Variants in HROB observed in about 807,000 individuals in gnomAD.
HROB encodes homologous recombination factor with OB-fold.
A neutral mutation model predicts 61.0 loss-of-function variants in HROB; 44 were observed. That is an observed-to-expected ratio of 0.72 (90% CI 0.57 to 0.93). The LOEUF is 0.93. Ranked by LOEUF, HROB falls within the 40% of genes least tolerant of loss-of-function variation. The pLI, the probability that HROB is intolerant of heterozygous loss-of-function variation, is 0.00. For missense variants in HROB, 716 were observed against 796.2 expected, an observed-to-expected ratio of 0.90 and a Z score of 1.21; for synonymous variants, 301 against 310.4, an observed-to-expected ratio of 0.97 and a Z score of 0.32.
intron 2 of HROB, among the ~76,000 whole-genome samples, chr17:44,146,521 A>G (rs982446237): frequency 2.0e-5 from 3 of 152,290 alleles, no homozygotes; most frequent in Admixed American, 1.3e-4. Flanking sequence ...GAGTAATGGA[A>G]TTAGAGTAAA....
At position 44,148,522 on chromosome 17, in the gene HROB, G is replaced by A. The variant is rs1185919583; in HGVS notation, c.719G>A (p.Arg240Gln). The change falls in exon 3 of 10, where the codon CGA becomes CAA. Residue 240 changes from arginine (R) to glutamine (Q), a missense_variant. Physicochemically the swap from Arg to Gln is conservative, Grantham distance 43. Coordinates refer to ENST00000585683, the MANE Select transcript of HROB (RefSeq NM_001171251.3). ...LDPVIQCRTPRPPLRPGAVGH... is the reference protein window; with the variant it reads ...LDPVIQCRTPQPPLRPGAVGH... ...CCTGTCATCCAATGTAGGACTCCACGACCCCCCTTGAGACCTGGTGCTGTG... is the reference window on the plus strand; with the variant it reads ...CCTGTCATCCAATGTAGGACTCCACAACCCCCCTTGAGACCTGGTGCTGTG... The A allele has an allele frequency of 3.1e-6, 5 of 1,613,922 alleles. No individual in the cohort carries two copies. Among genetic ancestry groups the A allele is most frequent in the Admixed American group, 1.7e-5 (1 of 59,976 alleles).
rs746666186 is a variant in HROB, at chr17:44,150,999, G to A, written c.1263G>A (p.Ala421=). 1.4e-5 allele frequency: 22 copies of A among 1,613,228 alleles called. No individual in the cohort carries two copies. Among genetic ancestry groups the A allele is most frequent in the East Asian group, 2.2e-5 (1 of 44,876 alleles). Residue 421 remains alanine, a synonymous_variant, in exon 4 of 10, where the codon GCG becomes GCA. Transcript: ENST00000585683. ...GTCTGGAGGACATCATGGTTTCCGCGCCCCAAACTCCAACCCATGGTGCTC... is the reference window on the plus strand; with the variant it reads ...GTCTGGAGGACATCATGGTTTCCGCACCCCAAACTCCAACCCATGGTGCTC... ...GRSLEDIMVS[A]PQTPTHGALA... is the part of the protein sequence containing the mutation.
intron 8 of HROB, among the ~76,000 whole-genome samples, chr17:44,155,911 T>C (rs1240502567): frequency 7.2e-5 from 11 of 152,276 alleles, no homozygotes; most frequent in Middle Eastern, 3.4e-3. Flanking sequence ...AGACGAGCAT[T>C]TGGCATTTAT....
rs1167718278 is a variant in HROB at position 44,142,035 on chromosome 17, G to C, written c.-108G>C. The C allele has an allele frequency of 1.4e-6, 2 of 1,426,432 alleles. No homozygotes were observed. Among genetic ancestry groups the C allele is most frequent in the East Asian group, 2.7e-5 (1 of 37,108 alleles). 88.4% of individuals were successfully genotyped at this position (1,426,432 alleles called of 1,614,324 possible). On this transcript the variant is annotated 5_prime_UTR_variant, in exon 1 of 10. Transcript: ENST00000585683. Reference sequence around the variant, plus strand: ...CCTCTGACCCCAGCCCGGAAGCACTGTCCCTCGGAGTCCGAGACTTCCACC... The same window carrying C: ...CCTCTGACCCCAGCCCGGAAGCACTCTCCCTCGGAGTCCGAGACTTCCACC...
chr17:44,152,590 A>T, intron 4 of HROB, 47 bp from the exon 5 acceptor site: 1 of 1,592,640 alleles, frequency 6.3e-7, no homozygotes. Context: ...AGTCTGTAGC[A>T]AGGTAGACCT....
intron 2 of HROB, among the ~76,000 whole-genome samples, chr17:44,147,048 T>TGTGAGAGA (rs141060194): frequency 1.3e-5 from 2 of 149,208 alleles, no homozygotes; most frequent in Non-Finnish European, 1.5e-5. Context: ...TGTGTGTGTG[T>TGTGAGAGA]GAGAGAGAGA....
chr17:44,157,380 T>TGCCATC (rs1567723004), intron 8 of HROB, among the ~76,000 whole-genome samples: 5 of 148,654 alleles, frequency 3.4e-5, no homozygotes, highest in African/African-American at 1.3e-4. Flanking sequence ...GTGGCTGGCC[T>TGCCATC]CTGCCATACT....
chr17:44,155,551 C>T, intron 8 of HROB, 140 bp downstream of exon 8: 2 of 1,302,482 alleles, frequency 1.5e-6, no homozygotes, highest in Non-Finnish European at 2.1e-6. Context: ...TCTTTGGGGA[C>T]AGGACCATCT....
At chr17:44,156,085 A>G (rs955731975) in intron 8 of HROB, among the ~76,000 whole-genome samples, 26 of 152,096 alleles carry the variant, frequency 1.7e-4, no homozygotes, top group African/African-American at 6.3e-4. Context: ...AGCTTCATCT[A>G]TAGTACGTTT....
chr17:44,142,181 C>T, intron 1 of HROB, 36 bp downstream of exon 1: 1 of 1,501,244 alleles, frequency 6.7e-7, no homozygotes, highest in South Asian at 1.2e-5. Flanking sequence ...TGGCGGGCCG[C>T]AGGGCCCCCT....
rs571012336 is a variant in HROB at position 44,161,982 on chromosome 17, G to A, written c.*50G>A. The A allele has an allele frequency of 3.1e-5, 49 of 1,566,042 alleles. 3 individuals are homozygous for A. Among genetic ancestry groups the A allele is most frequent in the Admixed American group, 2.0e-4 (12 of 59,672 alleles). ...ACCATGAGCAGGCAGCTCTGGGCAT[G>A]TGTCTGGTCACATCCAAGGGGGAGA... On this transcript the variant is annotated 3_prime_UTR_variant, in exon 10 of 10. Coordinates refer to ENST00000585683, the MANE Select transcript of HROB (RefSeq NM_001171251.3).
intron 3 of HROB, among the ~76,000 whole-genome samples, chr17:44,149,651 C>T (rs1178278441): frequency 4.6e-5 from 7 of 152,080 alleles, no homozygotes; most frequent in Admixed American, 1.3e-4. Flanking sequence ...GCCATTCTCC[C>T]GCCTTAGCCT....
chr17:44,147,362 G>C (rs1159508885), intron 2 of HROB, among the ~76,000 whole-genome samples: 1 of 152,038 alleles, frequency 6.6e-6, no homozygotes, highest in East Asian at 1.9e-4. Flanking sequence ...TAGGGCCATG[G>C]GTGAGGTCAG....
chr17:44,149,138 C>T, intron 3 of HROB, 111 bp downstream of exon 3: 1 of 1,133,114 alleles, frequency 8.8e-7, no homozygotes, highest in South Asian at 1.6e-5. Context: ...GAAGGAAGTG[C>T]AGAGAGGCTT....
intron 5 of HROB, among the ~76,000 whole-genome samples, chr17:44,153,852 C>G (rs985063971): frequency 6.6e-6 from 1 of 151,468 alleles, no homozygotes; most frequent in Admixed American, 6.6e-5. Flanking sequence ...GAGTTCGAGA[C>G]CAGCCTGGCC....
chr17:44,162,229 T>G lies in HROB; in HGVS notation c.*297T>G, dbSNP rs1053156225. On this transcript the variant is annotated 3_prime_UTR_variant, in exon 10 of 10. Transcript: ENST00000585683. ...TCCCTCTCCTGCCTCAGCTTAATTT[T>G]AGAGGATATTGGGCCTGGTTTTCTT... 7 of 360,728 alleles carry G rather than the reference T, an allele frequency of 1.9e-5. No individual in the cohort carries two copies. Among genetic ancestry groups the G allele is most frequent in the South Asian group, 3.3e-5 (1 of 30,574 alleles). 22.3% of individuals were successfully genotyped at this position (360,728 alleles called of 1,614,324 possible). A position where few individuals can be genotyped will look rare whatever the true frequency, so the allele number is the denominator to read the frequency against.
chr17:44,145,216 A>C lies in HROB; in HGVS notation c.17A>C (p.Gln6Pro). Residue 6 changes from glutamine to proline, a missense_variant, in exon 2 of 10, where the codon CAG becomes CCG. Transcript: ENST00000585683. The stretch of plus-strand genomic sequence containing the variant: ...TTTTCTTTTCAGGCGTGCAGTTTGC[A>C]GAAGCTGTTTGCTGTGGAAGAGGAG... Reference protein sequence around the residue: MACSLQKLFAVEEEFE... With the variant: MACSLPKLFAVEEEFE... The C allele has an allele frequency of 6.2e-7, 1 of 1,613,986 alleles. No homozygotes were observed. The highest frequency in any genetic ancestry group is 8.5e-7 in the Non-Finnish European group (1 of 1,179,866).
At chr17:44,158,457 A>G (rs1025593474) in intron 9 of HROB, among the ~76,000 whole-genome samples, 1 of 152,120 alleles carries the variant, frequency 6.6e-6, no homozygotes, top group African/African-American at 2.4e-5. Context: ...AACTAACACC[A>G]TTCAGGATCT....
At chr17:44,156,235 CTTTT>C (rs1400240111) in intron 8 of HROB, among the ~76,000 whole-genome samples, 1 of 151,900 alleles carries the variant, frequency 6.6e-6, no homozygotes, top group Non-Finnish European at 1.5e-5. Flanking sequence ...CTTTTTCTTT[CTTTT>C]CTTTTCTTTT....
Sources: allele counts gnomAD v4.1 joint callset (sites outside exome capture counted in the v4.1 genomes callset), GRCh38; gene constraint gnomAD v4.1.1; transcripts MANE v1.5; gene names NCBI Gene and HGNC (gene_info 2026-07-23, HGNC 2026-07-21).